SUGP1: variants seen among roughly 807,000 people sequenced by gnomAD.
SUGP1 encodes the protein SURP and G-patch domain-containing protein 1.
In SUGP1, 34 loss-of-function variants were observed where a neutral mutation model predicts 76.5. The observed-to-expected ratio is 0.44, with a 90% CI of 0.34 to 0.59. SUGP1 has a LOEUF of 0.59. Among genes scored for constraint, SUGP1 ranks in the 20% least tolerant of loss-of-function variants. The pLI is 0.01. For missense variants in SUGP1, 752 were observed against 851.7 expected (o/e 0.88, Z 1.46); for synonymous variants, 326 against 326.2 (o/e 1.00, Z 0.01).
intron 11 of SUGP1, 26 bp from the exon 12 acceptor site, chr19:19,277,905 C>A: frequency 6.2e-7 from 1 of 1,611,162 alleles, no homozygotes; most frequent in Non-Finnish European, 8.5e-7. Context: ...GTAGCTGTCA[C>A]CCACCAGGGC....
intron 7 of SUGP1, among the ~76,000 whole-genome samples, chr19:19,299,823 C>A (rs553129015): frequency 2.3e-4 from 34 of 150,522 alleles, no homozygotes; most frequent in Non-Finnish European, 3.0e-4. Flanking sequence ...TGGAGTTTCA[C>A]TCTTGTTGCC....
chr19:19,304,207 G>A (rs2061297173), intron 4 of SUGP1, among the ~76,000 whole-genome samples: 1 of 152,144 alleles, frequency 6.6e-6, no homozygotes, highest in Non-Finnish European at 1.5e-5. Flanking sequence ...CTTCAAAGAT[G>A]ACACGTTCTT....
chr19:19,279,503 G>A, intron 9 of SUGP1, 113 bp from the exon 10 acceptor site: 1 of 1,199,586 alleles, frequency 8.3e-7, no homozygotes, highest in Non-Finnish European at 1.2e-6. Context: ...TGGCTCATCT[G>A]GACCCCTGGG....
At chr19:19,314,613 A>G (rs2061379061) in intron 2 of SUGP1, among the ~76,000 whole-genome samples, 1 of 152,206 alleles carries the variant, frequency 6.6e-6, no homozygotes, top group African/African-American at 2.4e-5. Context: ...TCACACCCTG[A>G]GCACTTCACT....
chr19:19,291,842 G>C (rs372283837), intron 8 of SUGP1, among the ~76,000 whole-genome samples: 1 of 150,410 alleles, frequency 6.6e-6, no homozygotes, highest in African/African-American at 2.4e-5. Context: ...GCAGTGAGCC[G>C]AGATCACGCC....
Position 19,277,731 on chromosome 19 carries a change from C to G in SUGP1, c.1781+3G>C. Reference sequence around the variant, plus strand: ...CCATGCCCTCCCACAAGGCCACACTCACTTGTTCACTGGGTTCTTGATGCC... The same window carrying G: ...CCATGCCCTCCCACAAGGCCACACTGACTTGTTCACTGGGTTCTTGATGCC... On this transcript the variant is annotated splice_donor_region_variant and intron_variant, in intron 12 of 13. Coordinates refer to ENST00000247001, the MANE Select transcript of SUGP1 (RefSeq NM_172231.4). The G allele has an allele frequency of 6.2e-7, 1 of 1,613,824 alleles. No homozygotes were observed. Among genetic ancestry groups the G allele is most frequent in the South Asian group, 1.1e-5 (1 of 91,070 alleles).
At position 19,306,397 on chromosome 19, in the gene SUGP1, C is replaced by T. The variant is rs553216971; in HGVS notation, c.311-321G>A. On this transcript the variant is annotated intron_variant, in intron 3 of 13. Transcript: ENST00000247001. Reference sequence around the variant, plus strand: ...AACGTCAGTTCTGCCGGGTAAGACCCGAGTCCCCGAATCCCAGTTTACAAC... The same window carrying T: ...AACGTCAGTTCTGCCGGGTAAGACCTGAGTCCCCGAATCCCAGTTTACAAC... 2.0e-5 allele frequency among the ~76,000 whole-genome samples: 3 copies of T among 152,318 alleles called. No individual in the cohort carries two copies. The East Asian group carries it at 5.8e-4, about 29-fold the overall frequency.
chr19:19,293,079 G>T (rs1230002193), intron 8 of SUGP1, among the ~76,000 whole-genome samples: 6 of 151,418 alleles, frequency 4.0e-5, no homozygotes, highest in Non-Finnish European at 7.4e-5. Context: ...GCTAATTTTT[G>T]AATTTTTTTT....
At chr19:19,285,231 T>C (rs1260115035) in intron 8 of SUGP1, among the ~76,000 whole-genome samples, 1 of 150,406 alleles carries the variant, frequency 6.6e-6, no homozygotes, top group African/African-American at 2.5e-5. Context: ...AGTGGAGCAA[T>C]CGTGGCTCAC....
At chr19:19,284,956 C>T (rs2061128042) in intron 8 of SUGP1, among the ~76,000 whole-genome samples, 1 of 151,532 alleles carries the variant, frequency 6.6e-6, no homozygotes. Context: ...TCACTGCTGC[C>T]TCCCGGGTTC....
Position 19,276,521 on chromosome 19 carries a change from G to T in SUGP1, c.*127C>A. ...ACAGGACCAGGCATCTGTGGTGGAT[G>T]AGCACTGGGACTTTATTACACGGCA... On this transcript the variant is annotated 3_prime_UTR_variant, in exon 14 of 14. Transcript: ENST00000247001. The T allele has an allele frequency of 8.8e-7, 1 of 1,132,692 alleles. No homozygotes were observed. Among genetic ancestry groups the T allele is most frequent in the Non-Finnish European group, 1.3e-6 (1 of 768,302 alleles). 70.2% of individuals were successfully genotyped at this position (1,132,692 alleles called of 1,614,324 possible).
chr19:19,277,252 G>GGA (rs1178891140), intron 12 of SUGP1, among the ~76,000 whole-genome samples, 176 bp from the exon 13 acceptor site: 1 of 115,998 alleles, frequency 8.6e-6, no homozygotes, highest in Non-Finnish European at 1.9e-5. Context: ...CGGGGCGGGC[G>GGA]GGGGGGGGGG....
At position 19,320,448 on chromosome 19, in the gene SUGP1, G is replaced by A. The variant is rs780961477; in HGVS notation, c.34+15C>T. 1.6e-5 allele frequency: 26 copies of A among 1,608,916 alleles called. No homozygotes were observed. In the East Asian group the frequency reaches 5.6e-4, roughly 35 times the overall value. On this transcript the variant is annotated intron_variant, in intron 1 of 13. Coordinates refer to ENST00000247001, the MANE Select transcript of SUGP1 (RefSeq NM_172231.4). ...GGACCCAGGCGGCCGCCTGAGAGGA[G>A]GCGGGGGCTGTTACCTGCAACATCC...
In SUGP1 at chr19:19,305,888, C is replaced by A; in HGVS notation, c.499G>T (p.Asp167Tyr). The change falls in exon 4 of 14, where the codon GAC (aspartate) becomes TAC (tyrosine). Residue 167 changes from aspartate to tyrosine, a missense_variant. Coordinates refer to ENST00000247001, the MANE Select transcript of SUGP1 (RefSeq NM_172231.4). ...CACTGCTCATAGTCCTCCTCCTCGT[C>A]CTCGTCAGGGGACTGGAAGACACTC... is the stretch of plus-strand genomic sequence containing the variant. The part of the protein sequence containing the change: ...RPSVFQSPDE[D>Y]EEEDYEQWLE... 1 of 1,613,178 alleles carries A rather than the reference C, an allele frequency of 6.2e-7. No homozygotes were observed. Among genetic ancestry groups the A allele is most frequent in the Non-Finnish European group, 8.5e-7 (1 of 1,179,514 alleles).
chr19:19,296,281 C>T (rs1218858301), intron 8 of SUGP1, among the ~76,000 whole-genome samples: 3 of 152,096 alleles, frequency 2.0e-5, no homozygotes, highest in Non-Finnish European at 2.9e-5. Context: ...ACAGGCCAGA[C>T]GTGGTGGCTC....
At chr19:19,312,782 T>C (rs1042818363) in intron 2 of SUGP1, among the ~76,000 whole-genome samples, 2 of 150,822 alleles carry the variant, frequency 1.3e-5, no homozygotes, top group African/African-American at 4.9e-5. Context: ...GGTCAGGAGA[T>C]CGAGACCATC....
intron 8 of SUGP1, among the ~76,000 whole-genome samples, chr19:19,294,829 TA>T (rs979686846): frequency 5.3e-5 from 8 of 151,064 alleles, no homozygotes; most frequent in African/African-American, 1.9e-4. Flanking sequence ...CTGGCCACAT[TA>T]AAAAAAGAAA....
At chr19:19,307,439 T>G (rs1382490085) in intron 3 of SUGP1, among the ~76,000 whole-genome samples, 1 of 152,020 alleles carries the variant, frequency 6.6e-6, no homozygotes, top group Non-Finnish European at 1.5e-5. Context: ...TGAGATTTAG[T>G]TGGACCATCT....
At chr19:19,309,594 C>A (rs1193629413) in intron 3 of SUGP1, among the ~76,000 whole-genome samples, 2 of 151,882 alleles carry the variant, frequency 1.3e-5, no homozygotes, top group Non-Finnish European at 2.9e-5. Context: ...CCTGGTAACA[C>A]AATGAAACCC....
Sources: allele counts gnomAD v4.1 joint callset (sites outside exome capture counted in the v4.1 genomes callset), GRCh38; gene constraint gnomAD v4.1.1; transcripts MANE v1.5; gene names NCBI Gene and HGNC (gene_info 2026-07-23, HGNC 2026-07-21).